KCTD15: variants seen among roughly 807,000 people sequenced by gnomAD.
KCTD15 encodes the protein BTB/POZ domain-containing protein KCTD15.
In KCTD15, 11 loss-of-function variants were observed where a neutral mutation model predicts 27.2. That is an observed-to-expected ratio of 0.41 (90% confidence interval 0.25 to 0.67). The LOEUF (loss-of-function observed/expected upper bound fraction) is 0.67. Among genes scored for constraint, KCTD15 ranks in the 30% least tolerant of loss-of-function variants. The probability of loss-of-function intolerance (pLI) is 0.35; values close to 1 mark genes in which losing one functional copy is unlikely to be tolerated. For missense variants in KCTD15, 350 were observed against 409.3 expected (o/e 0.86, Z 1.25); for synonymous variants, 163 against 176.0 (o/e 0.93, Z 0.58).
Position 33,813,731 on chromosome 19 carries a change from C to A in KCTD15, c.*783C>A, listed in dbSNP as rs1976007257. 1 of 202,772 alleles carries A rather than the reference C, an allele frequency of 4.9e-6. No homozygotes were observed. The highest frequency in any genetic ancestry group is 1.0e-5 in the Non-Finnish European group (1 of 98,394). The allele number at this position is 202,772 out of a possible 1,614,324, so 12.6% of individuals were successfully genotyped here. ...CTGGCACCTGGGCTGCTGGAGAAGTCTCCTCCCGTTCGGACCAGCCTCAGG... is the reference window on the plus strand; with the variant it reads ...CTGGCACCTGGGCTGCTGGAGAAGTATCCTCCCGTTCGGACCAGCCTCAGG... On this transcript the variant is annotated 3_prime_UTR_variant, in exon 7 of 7. Coordinates refer to ENST00000683859, the MANE Select transcript of KCTD15 (RefSeq NM_001129994.2).
At chr19:33,810,513 C>T (rs77108632) in intron 5 of KCTD15, among the ~76,000 whole-genome samples, 6,687 of 152,096 alleles carry the variant, frequency 0.044, 481 homozygotes, top group African/African-American at 0.15. Flanking sequence ...AACCCCATCT[C>T]TACTAAAAAC....
intron 5 of KCTD15, 70 bp from the exon 6 acceptor site, chr19:33,811,177 T>TGCCCCCACC: frequency 8.9e-6 from 7 of 786,086 alleles, no homozygotes; most frequent in Non-Finnish European, 9.5e-6. Context: ...GCAGGCCGCC[T>TGCCCCCACC]CCCCTCTCCC....
intron 4 of KCTD15, among the ~76,000 whole-genome samples, chr19:33,806,180 T>G (rs2145467612): frequency 6.6e-6 from 1 of 152,368 alleles, no homozygotes; most frequent in Non-Finnish European, 1.5e-5. Flanking sequence ...TTGCCATCCC[T>G]CCTGTCTGCC....
intron 5 of KCTD15, 132 bp downstream of exon 5, chr19:33,807,139 A>G: frequency 8.8e-7 from 1 of 1,131,294 alleles, no homozygotes; most frequent in Non-Finnish European, 1.2e-6. Flanking sequence ...CCGAGGGCTA[A>G]ATCAGTTTTT....
chr19:33,805,981 G>A lies in KCTD15; in HGVS notation c.243-882G>A, dbSNP rs569398926. On this transcript the variant is annotated intron_variant, in intron 4 of 6. Coordinates refer to ENST00000683859, the MANE Select transcript of KCTD15 (RefSeq NM_001129994.2). ...GAACCATTGCCCTTCAGAGGACAGG[G>A]TACCGGCACCTGCCTTCTCTCCAGT... Among the ~76,000 whole-genome samples the A allele has an allele frequency of 3.8e-4, 58 of 152,368 alleles. 1 individual carries two copies. In the South Asian group the frequency reaches 0.012, roughly 32 times the overall value.
intron 4 of KCTD15, 92 bp downstream of exon 4, chr19:33,801,434 C>G: frequency 2.6e-6 from 3 of 1,133,896 alleles, no homozygotes; most frequent in South Asian, 1.6e-5. Flanking sequence ...TCCCCACTGT[C>G]ACTCCACCCA....
In KCTD15 at chr19:33,813,285, A is replaced by G. The variant is rs1236850097; in HGVS notation, c.*337A>G. 1.7e-6 allele frequency: 1 copy of G among 578,214 alleles called. No individual in the cohort carries two copies. The highest frequency in any genetic ancestry group is 1.5e-5 in the South Asian group (1 of 65,124). The allele number at this position is 578,214 out of a possible 1,614,324, so 35.8% of individuals were successfully genotyped here. A position where few individuals can be genotyped will look rare whatever the true frequency, so the allele number is the denominator to read the frequency against. On this transcript the variant is annotated 3_prime_UTR_variant, in exon 7 of 7. Coordinates refer to ENST00000683859, the MANE Select transcript of KCTD15 (RefSeq NM_001129994.2). ...TGGAAGAGCCGTCTGCAGCTACTTC[A>G]GAGGAGCTGTTTATCCCTCTCCACG...
At chr19:33,796,187 T>G (rs1975312318), upstream of KCTD15, 1 of 151,620 alleles carries the variant, frequency 6.6e-6, no homozygotes, top group African/African-American at 2.4e-5. Flanking sequence ...TTACATCAGA[T>G]GAAATGACAA....
intron 6 of KCTD15, chr19:33,812,110 G>T: frequency 7.7e-7 from 1 of 1,299,582 alleles, no homozygotes; most frequent in Non-Finnish European, 9.7e-7. Context: ...GGGTGGAATG[G>T]GCTTTGCAGG....
intron 4 of KCTD15, among the ~76,000 whole-genome samples, chr19:33,803,782 C>A (rs1008551114): frequency 6.6e-6 from 1 of 152,060 alleles, no homozygotes; most frequent in Non-Finnish European, 1.5e-5. Context: ...ATGAAGATGG[C>A]CAGGAGCTTC....
chr19:33,797,247 G>GGTGTGTGTGTGTGT (rs751185346), intron 1 of KCTD15, among the ~76,000 whole-genome samples: 20 of 120,706 alleles, frequency 1.7e-4, no homozygotes, highest in Admixed American at 8.2e-4. Context: ...CCTGCCGCGC[G>GGTGTGTGTGTGTGT]GTGTGTGTGT....
chr19:33,797,546 T>C, intron 1 of KCTD15: 4 of 350,518 alleles, frequency 1.1e-5, no homozygotes, highest in South Asian at 8.1e-5. Flanking sequence ...GCGCGCAGGG[T>C]TTGGGGCTGG....
chr19:33,806,002 C>T (rs945583805), intron 4 of KCTD15, among the ~76,000 whole-genome samples: 2 of 152,232 alleles, frequency 1.3e-5, no homozygotes, highest in African/African-American at 4.8e-5. Flanking sequence ...TGCCTTCTCT[C>T]CAGTCCCCAT....
chr19:33,811,739 G>A (rs899701438), intron 6 of KCTD15, 187 bp downstream of exon 6: 2 of 1,580,730 alleles, frequency 1.3e-6, no homozygotes, highest in African/African-American at 2.7e-5. Flanking sequence ...ATGGCGCCTG[G>A]GGGATGGACT....
At chr19:33,804,948 C>T (rs1227701236) in intron 4 of KCTD15, among the ~76,000 whole-genome samples, 2 of 152,146 alleles carry the variant, frequency 1.3e-5, no homozygotes, top group Admixed American at 6.5e-5. Flanking sequence ...TTCTTTTAAG[C>T]GACAGCGTTT....
intron 5 of KCTD15, among the ~76,000 whole-genome samples, chr19:33,808,393 G>C (rs1380935125): frequency 6.6e-6 from 1 of 152,184 alleles, no homozygotes; most frequent in Non-Finnish European, 1.5e-5. Flanking sequence ...TGGGCTGGGC[G>C]GGTTTGAAAG....
At chr19:33,800,400 T>C (rs576238110) in intron 2 of KCTD15, 28 bp from the exon 3 acceptor site, 1 of 1,529,636 alleles carries the variant, frequency 6.5e-7, no homozygotes, top group Non-Finnish European at 8.9e-7. Flanking sequence ...GAATAAGCCT[T>C]CTCTGGTTTT....
At chr19:33,803,919 T>C (rs1975637659) in intron 4 of KCTD15, among the ~76,000 whole-genome samples, 1 of 151,754 alleles carries the variant, frequency 6.6e-6, no homozygotes, top group South Asian at 2.1e-4. Context: ...GGGCAGGTGG[T>C]TGGAGGCATC....
Position 33,800,437 on chromosome 19 carries a change from G to A in KCTD15, c.-18G>A. The A allele has an allele frequency of 1.3e-6, 2 of 1,598,798 alleles. No individual in the cohort carries two copies. Among genetic ancestry groups the A allele is most frequent in the South Asian group, 1.1e-5 (1 of 87,820 alleles). On this transcript the variant is annotated 5_prime_UTR_variant, in exon 3 of 7. Coordinates refer to ENST00000683859, the MANE Select transcript of KCTD15 (RefSeq NM_001129994.2). ...TCGATGCCTCCCGCAGATACTCTGGGCAGGGATGGAAGCCTAGATGCCTCA... is the reference window on the plus strand; with the variant it reads ...TCGATGCCTCCCGCAGATACTCTGGACAGGGATGGAAGCCTAGATGCCTCA...
Sources: gnomAD v4.1 joint callset for allele counts (sites outside exome capture counted in the v4.1 genomes callset) on GRCh38, gnomAD v4.1.1 for gene constraint, MANE v1.5 for transcripts, NCBI Gene and HGNC (gene_info 2026-07-23, HGNC 2026-07-21) for gene names.